Variants in UBR3 observed in about 807,000 individuals in gnomAD.
UBR3 encodes the protein E3 ubiquitin-protein ligase UBR3.
Under a neutral mutation model 243.2 loss-of-function variants are expected in UBR3, and 85 were observed. The observed-to-expected ratio is 0.35, with a 90% confidence interval of 0.29 to 0.42. The LOEUF (loss-of-function observed/expected upper bound fraction) is 0.42, where lower values mean the gene tolerates loss of function less well. Ranked by LOEUF, UBR3 falls within the 10% of genes least tolerant of loss-of-function variation. The probability of loss-of-function intolerance (pLI) is 1.00; values close to 1 mark genes in which losing one functional copy is unlikely to be tolerated. For missense variants in UBR3, 1,686 were observed against 2,300.8 expected (o/e 0.73, Z 5.47); for synonymous variants, 748 against 799.8 (o/e 0.94, Z 1.09).
At chr2:169,912,590 A>C (rs1178173920) in intron 10 of UBR3, among the ~76,000 whole-genome samples, 1 of 151,950 alleles carries the variant, frequency 6.6e-6, no homozygotes, top group African/African-American at 2.4e-5. Flanking sequence ...ACAACATTTC[A>C]TTTGTCCTTT....
intron 26 of UBR3, among the ~76,000 whole-genome samples, chr2:169,997,206 G>A (rs993303961): frequency 5.3e-5 from 8 of 152,168 alleles, no homozygotes; most frequent in Non-Finnish European, 8.8e-5. Flanking sequence ...AACCTCTGTG[G>A]CTGGTGGCAC....
intron 8 of UBR3, among the ~76,000 whole-genome samples, chr2:169,897,591 TG>T (rs1191030587): frequency 2.0e-5 from 3 of 152,100 alleles, no homozygotes; most frequent in Non-Finnish European, 4.4e-5. Context: ...CTCCGCCTCC[TG>T]GGTTCAGTTC....
At chr2:169,938,385 C>T (rs570642621) in intron 19 of UBR3, among the ~76,000 whole-genome samples, 1 of 151,730 alleles carries the variant, frequency 6.6e-6, no homozygotes, top group East Asian at 1.9e-4. Context: ...ATTGGCTTCC[C>T]GAGTAGCTGG....
intron 24 of UBR3, among the ~76,000 whole-genome samples, chr2:169,983,767 T>G (rs1241463429): frequency 6.6e-6 from 1 of 152,230 alleles, no homozygotes; most frequent in Non-Finnish European, 1.5e-5. Flanking sequence ...AGATAGATTC[T>G]TTTCTGTTCA....
chr2:170,048,039 T>G (rs1291423560), intron 32 of UBR3, among the ~76,000 whole-genome samples: 1 of 152,238 alleles, frequency 6.6e-6, no homozygotes, highest in Non-Finnish European at 1.5e-5. Flanking sequence ...CAGATGTTAT[T>G]AAAGAATGAT....
At chr2:169,891,362 T>A in intron 6 of UBR3, 131 bp downstream of exon 6, 5 of 586,236 alleles carry the variant, frequency 8.5e-6, no homozygotes, top group South Asian at 2.6e-5. Flanking sequence ...GTTATTAGAT[T>A]TATCTAATAA....
At chr2:170,029,680 G>A (rs925083572) in intron 31 of UBR3, among the ~76,000 whole-genome samples, 2 of 151,964 alleles carry the variant, frequency 1.3e-5, no homozygotes, top group Non-Finnish European at 2.9e-5. Context: ...TGATTTTTAT[G>A]CAGATTAAAT....
intron 1 of UBR3, among the ~76,000 whole-genome samples, chr2:169,840,713 C>A (rs1303585323): frequency 1.3e-5 from 2 of 152,150 alleles, no homozygotes; most frequent in African/African-American, 4.8e-5. Flanking sequence ...TCTGCTTGGG[C>A]CTCAGGCTCT....
intron 32 of UBR3, among the ~76,000 whole-genome samples, chr2:170,042,742 G>A (rs1056917027): frequency 1.4e-5 from 2 of 146,334 alleles, no homozygotes; most frequent in African/African-American, 2.5e-5. Context: ...TGTGGGGGAT[G>A]TATAGCTAGA....
chr2:169,899,367 G>A (rs2105329727), intron 8 of UBR3, among the ~76,000 whole-genome samples: 1 of 152,196 alleles, frequency 6.6e-6, no homozygotes, highest in East Asian at 1.9e-4. Flanking sequence ...TTCTTTCCTA[G>A]AGATTTATCT....
In UBR3 at chr2:169,970,134, G is replaced by C. The variant is rs114645063; in HGVS notation, c.3634+11608G>C. Reference sequence around the variant, plus strand: ...AGTATTCTTCCAATCCATGACATGAGATGTCTGTCCATTTTTTGGTGATGA... The same window carrying C: ...AGTATTCTTCCAATCCATGACATGACATGTCTGTCCATTTTTTGGTGATGA... On this transcript the variant is annotated intron_variant, in intron 24 of 38. Transcript: ENST00000272793. Among the ~76,000 whole-genome samples, 581 of 151,518 alleles carry C rather than the reference G, an allele frequency of 3.8e-3. 1 individual carries two copies. Among genetic ancestry groups the C allele is most frequent in the African/African-American group, 0.013 (520 of 41,332 alleles).
chr2:169,881,189 TA>T (rs1396964532), intron 5 of UBR3, among the ~76,000 whole-genome samples: 15 of 152,172 alleles, frequency 9.9e-5, no homozygotes, highest in Admixed American at 8.5e-4. Flanking sequence ...TTTATTTATT[TA>T]TTTTTTTGAG....
intron 36 of UBR3, chr2:170,078,018 T>G: frequency 1.5e-6 from 1 of 682,134 alleles, no homozygotes; most frequent in South Asian, 1.4e-5. Flanking sequence ...CTTGAGGTTG[T>G]CCCTCTCTGT....
At position 169,948,758 on chromosome 2, in the gene UBR3, C is replaced by G. The variant is rs1164668798; in HGVS notation, c.3085-847C>G. 2.6e-5 allele frequency among the ~76,000 whole-genome samples: 4 copies of G among 151,992 alleles called. No individual in the cohort carries two copies. In the East Asian group the frequency reaches 7.7e-4, roughly 29 times the overall value. ...ACTCACAAAAGCTCAACTGATATTA[C>G]AGCATCCTTTCTATGCTCGCTTTTA... On this transcript the variant is annotated intron_variant, in intron 22 of 38. Coordinates refer to ENST00000272793, the MANE Select transcript of UBR3 (RefSeq NM_172070.4).
At chr2:169,939,597 T>C (rs901963532) in intron 19 of UBR3, among the ~76,000 whole-genome samples, 2 of 150,424 alleles carry the variant, frequency 1.3e-5, no homozygotes, top group Non-Finnish European at 3.0e-5. Context: ...ACAGTCTCAC[T>C]CTGTCTTCCA....
At chr2:169,851,850 A>C (rs576434575) in intron 1 of UBR3, among the ~76,000 whole-genome samples, 26 of 152,164 alleles carry the variant, frequency 1.7e-4, no homozygotes, top group African/African-American at 6.0e-4. Context: ...AAAAAAAAAA[A>C]AAAACAACAG....
intron 4 of UBR3, among the ~76,000 whole-genome samples, chr2:169,877,895 G>A (rs2083674972): frequency 6.6e-6 from 1 of 152,164 alleles, no homozygotes; most frequent in South Asian, 2.1e-4. Context: ...ATGTACAGTT[G>A]CTATTCAAGA....
chr2:169,931,530 T>C (rs1350640557), intron 18 of UBR3, among the ~76,000 whole-genome samples: 1 of 152,046 alleles, frequency 6.6e-6, no homozygotes, highest in Admixed American at 6.6e-5. Flanking sequence ...TGCTAGAAGG[T>C]TGTAATTATA....
At chr2:170,044,564 G>T (rs1466913332) in intron 32 of UBR3, among the ~76,000 whole-genome samples, 1 of 152,008 alleles carries the variant, frequency 6.6e-6, no homozygotes, top group Non-Finnish European at 1.5e-5. Flanking sequence ...CTGTTTTCAG[G>T]TATTCATATT....
Sources: allele counts gnomAD v4.1 joint callset (sites outside exome capture counted in the v4.1 genomes callset), GRCh38; gene constraint gnomAD v4.1.1; transcripts MANE v1.5; gene names NCBI Gene and HGNC (gene_info 2026-07-23, HGNC 2026-07-21).